Variants in CLTB observed in about 807,000 individuals in gnomAD.
CLTB encodes clathrin, light chain (Lcb).
Under a neutral mutation model 30.5 loss-of-function variants are expected in CLTB, and 10 were observed. That is an observed-to-expected ratio of 0.33 (90% CI 0.20 to 0.56). CLTB has a LOEUF of 0.56. CLTB is among the 20% of genes least tolerant of loss of function. The pLI, the probability that CLTB is intolerant of heterozygous loss-of-function variation, is 0.91. For missense variants in CLTB, 261 were observed against 308.3 expected, an observed-to-expected ratio of 0.85 and a Z score of 1.15; for synonymous variants, 102 against 120.3, an observed-to-expected ratio of 0.85 and a Z score of 1.00.
chr5:176,402,074 A>G (rs932311214), intron 2 of CLTB, among the ~76,000 whole-genome samples: 2 of 152,316 alleles, frequency 1.3e-5, no homozygotes, highest in African/African-American at 4.8e-5. Flanking sequence ...AGGCTGAGGC[A>G]GGCAGATTGC....
At chr5:176,413,021 C>T (rs1757527059) in intron 1 of CLTB, among the ~76,000 whole-genome samples, 1 of 152,196 alleles carries the variant, frequency 6.6e-6, no homozygotes, top group Non-Finnish European at 1.5e-5. Context: ...GGGGTCTACC[C>T]TGACCTTCAG....
At chr5:176,413,334 A>G (rs974817223) in intron 1 of CLTB, among the ~76,000 whole-genome samples, 2 of 152,236 alleles carry the variant, frequency 1.3e-5, no homozygotes, top group Non-Finnish European at 2.9e-5. Flanking sequence ...AGCGGGGGAA[A>G]TGGGCTTGCC....
At chr5:176,404,644 T>G (rs7703742) in intron 2 of CLTB, among the ~76,000 whole-genome samples, 1 of 152,006 alleles carries the variant, frequency 6.6e-6, no homozygotes, top group Admixed American at 6.5e-5. Flanking sequence ...CTGGCCAAAC[T>G]GGGCCCACAT....
intron 1 of CLTB, among the ~76,000 whole-genome samples, chr5:176,412,327 A>G (rs1757484616): frequency 6.6e-6 from 1 of 152,094 alleles, no homozygotes; most frequent in South Asian, 2.1e-4. Flanking sequence ...CCAGGATATC[A>G]TACAGTATCC....
intron 5 of CLTB, among the ~76,000 whole-genome samples, chr5:176,395,903 G>A (rs1208772189): frequency 6.6e-6 from 1 of 152,210 alleles, no homozygotes; most frequent in African/African-American, 2.4e-5. Context: ...GGGAGGCCGA[G>A]GTGGGTGGAT....
At chr5:176,411,026 C>T (rs1757403475) in intron 1 of CLTB, among the ~76,000 whole-genome samples, 1 of 152,244 alleles carries the variant, frequency 6.6e-6, no homozygotes, top group Non-Finnish European at 1.5e-5. Flanking sequence ...ACCTCACCAC[C>T]TTGCACCTGC....
Position 176,393,064 on chromosome 5 carries a change from C to T in CLTB, c.519-119G>A. ...ACTGTGTCCTCCCCAGCCTTGTGCCCCCCTGACTTCAGAGGAGGGCAGCCT... is the reference window on the plus strand; with the variant it reads ...ACTGTGTCCTCCCCAGCCTTGTGCCTCCCTGACTTCAGAGGAGGGCAGCCT... On this transcript the variant is annotated intron_variant, in intron 5 of 5. Coordinates refer to ENST00000310418, the MANE Select transcript of CLTB (RefSeq NM_007097.5). The surrounding 1 kb of genome is among the most constrained non-coding windows in gnomAD (Gnocchi z 4.4). 1 of 1,158,310 alleles carries T rather than the reference C, an allele frequency of 8.6e-7. No homozygotes were observed. The highest frequency in any genetic ancestry group is 1.4e-5 in the South Asian group (1 of 73,042). 71.8% of individuals were successfully genotyped at this position (1,158,310 alleles called of 1,614,324 possible).
At chr5:176,394,581 G>A (rs1403770990) in intron 5 of CLTB, among the ~76,000 whole-genome samples, 1 of 150,578 alleles carries the variant, frequency 6.6e-6, no homozygotes, top group Non-Finnish European at 1.5e-5. Flanking sequence ...ACTTTGGGAG[G>A]CCAAGGTGGG....
Position 176,398,007 on chromosome 5 carries a change from T to C in CLTB, c.275A>G (p.Gln92Arg), listed in dbSNP as rs754681028. The change falls in exon 3 of 6, where the codon CAG (glutamine) becomes CGG (arginine). Residue 92 changes from glutamine (Q) to arginine (R), a missense_variant. Around this residue, in one of 3 missense-constraint regions of CLTB, gnomAD observed 123 missense variants for 157.0 expected, o/e 0.78. Coordinates refer to ENST00000310418, the MANE Select transcript of CLTB (RefSeq NM_007097.5). ...AGGCTCCTGGGTCAGCCTGTCAGCC[T>C]GGGCAATGGCTGCGTAGCCATCAGC... is the stretch of plus-strand genomic sequence containing the variant. ...GPADGYAAIA[Q>R]ADRLTQEPES... The C allele has an allele frequency of 1.9e-6, 3 of 1,614,130 alleles. No individual in the cohort carries two copies. Among genetic ancestry groups the C allele is most frequent in the Admixed American group, 1.7e-5 (1 of 60,032 alleles).
chr5:176,397,605 A>C lies in CLTB; in HGVS notation c.464+2T>G. The C allele has an allele frequency of 7.0e-7, 1 of 1,429,056 alleles. No homozygotes were observed. The allele number at this position is 1,429,056 out of a possible 1,614,324, so 88.5% of individuals were successfully genotyped here. ...CCCCTCATGTCCCTACAGCCCTCTC[A>C]CCGGTTGTTGATCTTGTTCTTCTCT... On this transcript the variant is annotated splice_donor_variant, in intron 4 of 5. Coordinates refer to ENST00000310418, the MANE Select transcript of CLTB (RefSeq NM_007097.5). LOFTEE classifies it high-confidence loss of function.
rs749833526 is a variant in CLTB, at chr5:176,397,647, G to A, written c.424C>T (p.Arg142Cys). 22 of 1,611,906 alleles carry A rather than the reference G, an allele frequency of 1.4e-5. No homozygotes were observed. Among genetic ancestry groups the A allele is most frequent in the Non-Finnish European group, 1.6e-5 (19 of 1,179,678 alleles). The part of the protein sequence containing the change: ...AKKDLEEWNQ[R>C]QSEQVEKNKI... ...TTCTTCTCTACTTGTTCACTCTGGCGCTGGTTCCACTCCTCCAGGTCCTTC... is the reference window on the plus strand; with the variant it reads ...TTCTTCTCTACTTGTTCACTCTGGCACTGGTTCCACTCCTCCAGGTCCTTC... Residue 142 changes from arginine to cysteine, a missense_variant, in exon 4 of 6, where the codon CGC (arginine) becomes TGC (cysteine). This residue lies in a region of CLTB where 123 missense variants were observed against 157.0 expected (regional missense o/e 0.78). Transcript: ENST00000310418.
At chr5:176,411,572 G>A (rs1213930504) in intron 1 of CLTB, among the ~76,000 whole-genome samples, 1 of 152,154 alleles carries the variant, frequency 6.6e-6, no homozygotes, top group East Asian at 1.9e-4. Flanking sequence ...ACTACAGCCT[G>A]CTGTGTTTAT....
In CLTB at chr5:176,392,876, G is replaced by C; in HGVS notation, c.588C>G (p.Ala196=). Residue 196 remains alanine, a synonymous_variant, in exon 6 of 6, where the codon GCC becomes GCG. Coordinates refer to ENST00000310418, the MANE Select transcript of CLTB (RefSeq NM_007097.5). This position sits in a 1 kb window ranked among gnomAD's most constrained non-coding sequence, Gnocchi z 5.2. ...ETPGTEWEKV[A]QLCDFNPKSS... ...TCTTGGGGTTGAAGTCACATAGCTG[G>C]GCCACCTTCTCCCACTCTGTGCCTG... 1 of 1,614,166 alleles carries C rather than the reference G, an allele frequency of 6.2e-7. No homozygotes were observed. The highest frequency in any genetic ancestry group is 8.5e-7 in the Non-Finnish European group (1 of 1,180,028).
chr5:176,396,335 C>T (rs1756519221), intron 5 of CLTB, 144 bp downstream of exon 5: 1 of 756,506 alleles, frequency 1.3e-6, no homozygotes, highest in Non-Finnish European at 2.4e-6. Flanking sequence ...GCTGCCTGCA[C>T]CCACCAGGGC....
chr5:176,402,382 C>T (rs1490362216), intron 2 of CLTB, among the ~76,000 whole-genome samples: 1 of 152,190 alleles, frequency 6.6e-6, no homozygotes, highest in Non-Finnish European at 1.5e-5. Context: ...CTGGTCTCTC[C>T]CTGGGCCTCT....
chr5:176,398,641 G>C (rs1378823827), intron 2 of CLTB, among the ~76,000 whole-genome samples: 1 of 150,860 alleles, frequency 6.6e-6, no homozygotes, highest in Non-Finnish European at 1.5e-5. Context: ...GAACCCGGGA[G>C]GCAGAGGTTG....
At chr5:176,401,603 T>A in intron 2 of CLTB, 13 of 395,146 alleles carry the variant, frequency 3.3e-5, no homozygotes, top group South Asian at 2.0e-4. Flanking sequence ...GACATCCACA[T>A]GGCATCGAGA....
chr5:176,393,348 C>G lies in CLTB; in HGVS notation c.519-403G>C, dbSNP rs1040957666. ...GGTCCTAGGACGACCTAATGCAGGA[C>G]CTTAGCTATTTCACCATTTCCAAAA... On this transcript the variant is annotated intron_variant, in intron 5 of 5. Transcript: ENST00000310418. This position sits in a 1 kb window ranked among gnomAD's most constrained non-coding sequence, Gnocchi z 4.4. 6.6e-6 allele frequency among the ~76,000 whole-genome samples: 1 copy of G among 152,182 alleles called. No homozygotes were observed. The highest frequency in any genetic ancestry group is 1.5e-5 in the Non-Finnish European group (1 of 68,032).
intron 4 of CLTB, among the ~76,000 whole-genome samples, chr5:176,397,390 CCT>C (rs1472728977): frequency 9.1e-5 from 13 of 142,336 alleles, no homozygotes; most frequent in Non-Finnish European, 1.7e-4. Flanking sequence ...CCCACAGCTC[CCT>C]CTCATGTCCC....
Sources: gnomAD v4.1 joint callset for allele counts (sites outside exome capture counted in the v4.1 genomes callset) on GRCh38, gnomAD v4.1.1 for gene constraint, gnomAD v4.1.1 regional missense constraint, Gnocchi (gnomAD v3.1) non-coding constraint, MANE v1.5 for transcripts, NCBI Gene and HGNC (gene_info 2026-07-23, HGNC 2026-07-21) for gene names.